Variants in USP7 observed in about 807,000 individuals in gnomAD.
USP7 encodes the protein ubiquitin C-terminal hydrolase 7.
USP7 carries 9 observed loss-of-function variants against 162.9 expected under a neutral mutation model. The observed-to-expected ratio is 0.06, with a 90% CI of 0.03 to 0.10. USP7 has a LOEUF of 0.10. Among genes scored for constraint, USP7 ranks in the 10% least tolerant of loss-of-function variants. The probability of loss-of-function intolerance (pLI) is 1.00; values close to 1 mark genes in which losing one functional copy is unlikely to be tolerated. For missense variants in USP7, 715 were observed against 1,373.7 expected (o/e 0.52, Z 7.58); for synonymous variants, 562 against 475.9 (o/e 1.18, Z -2.35).
At chr16:8,911,198 G>C (rs1021882111) in intron 10 of USP7, among the ~76,000 whole-genome samples, 1 of 152,224 alleles carries the variant, frequency 6.6e-6, no homozygotes. Context: ...ATGGCTGGCT[G>C]ATGTGGCAGA....
intron 3 of USP7, among the ~76,000 whole-genome samples, chr16:8,921,976 G>C (rs138402630): frequency 3.9e-5 from 6 of 152,372 alleles, no homozygotes; most frequent in Non-Finnish European, 7.3e-5. Flanking sequence ...GGGTAGGACA[G>C]TGCTGTTCCC....
intron 1 of USP7, among the ~76,000 whole-genome samples, chr16:8,955,046 G>A (rs1899729246): frequency 6.6e-6 from 1 of 152,198 alleles, no homozygotes; most frequent in Non-Finnish European, 1.5e-5. Flanking sequence ...GAATGACAGT[G>A]GTGTGTGGAC....
intron 1 of USP7, among the ~76,000 whole-genome samples, chr16:8,939,837 C>T (rs145116305): frequency 1.3e-3 from 203 of 152,322 alleles, no homozygotes; most frequent in African/African-American, 4.5e-3. Context: ...CAGTGGCTCA[C>T]GCCTGTAATC....
intron 6 of USP7, 132 bp downstream of exon 6, chr16:8,918,899 T>G: frequency 1.2e-6 from 1 of 850,370 alleles, no homozygotes; most frequent in South Asian, 1.5e-5. Flanking sequence ...AAACGCAGCA[T>G]GAACTAGCAG....
intron 21 of USP7, chr16:8,900,104 G>T (rs771260597): frequency 5.1e-6 from 2 of 389,272 alleles, no homozygotes; most frequent in East Asian, 1.2e-4. Flanking sequence ...GTCTCTGACC[G>T]TGAGTCAGGA....
chr16:8,915,221 A>C (rs540187912), intron 10 of USP7, 33 bp downstream of exon 10: 2 of 1,534,838 alleles, frequency 1.3e-6, no homozygotes, highest in East Asian at 4.5e-5. Flanking sequence ...AAATCATCAA[A>C]AGATCATGCC....
chr16:8,949,907 C>T (rs1899471684), intron 1 of USP7, among the ~76,000 whole-genome samples: 1 of 152,134 alleles, frequency 6.6e-6, no homozygotes, highest in Non-Finnish European at 1.5e-5. Context: ...TATTCTAAAC[C>T]ATACTGGTCA....
intron 20 of USP7, 117 bp from the exon 21 acceptor site, chr16:8,900,747 G>C: frequency 1.3e-6 from 1 of 767,090 alleles, no homozygotes; most frequent in Non-Finnish European, 2.0e-6. Flanking sequence ...CACCTTTTAA[G>C]TTAAAATGTT....
chr16:8,905,295 T>G lies in USP7; in HGVS notation c.1465A>C (p.Thr489Pro). The G allele has an allele frequency of 6.2e-7, 1 of 1,614,226 alleles. No homozygotes were observed. The highest frequency in any genetic ancestry group is 8.5e-7 in the Non-Finnish European group (1 of 1,180,032). ...TTGTGCTCAATTGCTTCCTCTTTAG[T>G]ACACCTTGACACCACGTCGTCATCA... ...KFDDDVVSRCTKEEAIEHNYG... is the reference protein window; with the variant it reads ...KFDDDVVSRCPKEEAIEHNYG... Residue 489 changes from threonine to proline, a missense_variant, in exon 14 of 31, where the codon ACT becomes CCT. This residue lies in a region of USP7 where 197 missense variants were observed against 306.5 expected (regional missense o/e 0.64). Coordinates refer to ENST00000344836, the MANE Select transcript of USP7 (RefSeq NM_003470.3).
At chr16:8,948,987 G>C (rs1183669783) in intron 1 of USP7, among the ~76,000 whole-genome samples, 1 of 152,112 alleles carries the variant, frequency 6.6e-6, no homozygotes, top group African/African-American at 2.4e-5. Flanking sequence ...AGCTTACACA[G>C]TCTATGAAAT....
intron 22 of USP7, 67 bp downstream of exon 22, chr16:8,899,537 C>A (rs207475758): frequency 6.3e-7 from 1 of 1,579,948 alleles, no homozygotes; most frequent in Non-Finnish European, 8.6e-7. Flanking sequence ...CTTCAACAAG[C>A]ATTTTAAGAA....
intron 1 of USP7, among the ~76,000 whole-genome samples, chr16:8,940,600 C>T (rs1443984281): frequency 2.0e-5 from 3 of 152,154 alleles, no homozygotes; most frequent in Non-Finnish European, 4.4e-5. Context: ...GCTCCCGAGG[C>T]ATCCACAGAA....
chr16:8,927,519 A>G (rs1898080316), intron 2 of USP7, among the ~76,000 whole-genome samples: 1 of 152,202 alleles, frequency 6.6e-6, no homozygotes, highest in South Asian at 2.1e-4. Context: ...CTAAATCTAG[A>G]TCCATCTAGA....
chr16:8,927,857 T>C (rs1240564327), intron 2 of USP7, among the ~76,000 whole-genome samples: 4 of 151,732 alleles, frequency 2.6e-5, no homozygotes, highest in African/African-American at 7.3e-5. Flanking sequence ...AAATAAAACT[T>C]CCTTGGGCCA....
chr16:8,921,044 T>C, intron 4 of USP7, 113 bp downstream of exon 4: 1 of 1,223,738 alleles, frequency 8.2e-7, no homozygotes, highest in East Asian at 2.5e-5. Context: ...TTGTCCAATT[T>C]AGAAAGTAAA....
intron 1 of USP7, among the ~76,000 whole-genome samples, chr16:8,945,994 G>A (rs1899256794): frequency 6.6e-6 from 1 of 152,192 alleles, no homozygotes; most frequent in Non-Finnish European, 1.5e-5. Context: ...GGAACGGACA[G>A]GGGAGAATGG....
At chr16:8,950,330 GCTCT>G (rs1376647033) in intron 1 of USP7, among the ~76,000 whole-genome samples, 1 of 152,078 alleles carries the variant, frequency 6.6e-6, no homozygotes, top group Non-Finnish European at 1.5e-5. Flanking sequence ...GGGACCCAGT[GCTCT>G]CTGATAAACA....
At position 8,908,335 on chromosome 16, in the gene USP7, G is replaced by T. The variant is rs754995247; in HGVS notation, c.1271+6C>A. ...AATCTTAACTTTATATCCCACTATA[G>T]ATTACCTATCATTGATCTTGATATT... On this transcript the variant is annotated splice_donor_region_variant and intron_variant, in intron 12 of 30. Transcript: ENST00000344836. The T allele has an allele frequency of 6.2e-7, 1 of 1,605,850 alleles. No individual in the cohort carries two copies. Among genetic ancestry groups the T allele is most frequent in the Non-Finnish European group, 8.5e-7 (1 of 1,172,850 alleles).
intron 10 of USP7, among the ~76,000 whole-genome samples, chr16:8,913,049 G>GA (rs374382443): frequency 1.3e-5 from 2 of 151,930 alleles, no homozygotes; most frequent in Non-Finnish European, 2.9e-5. Context: ...CAGTGAGAAG[G>GA]AAAAAACCTT....
Sources: gnomAD v4.1 joint callset for allele counts (sites outside exome capture counted in the v4.1 genomes callset) on GRCh38, gnomAD v4.1.1 for gene constraint, gnomAD v4.1.1 regional missense constraint, MANE v1.5 for transcripts, NCBI Gene and HGNC (gene_info 2026-07-23, HGNC 2026-07-21) for gene names.